Variants in CPA6 observed in about 807,000 individuals in gnomAD.
CPA6 encodes the protein carboxypeptidase B.
A neutral mutation model predicts 63.3 loss-of-function variants in CPA6; 58 were observed. The ratio of observed to expected loss-of-function variants is 0.92; its 90% CI spans 0.74 to 1.14. The LOEUF is 1.14. Among genes scored for constraint, CPA6 ranks in the 50% most tolerant of loss-of-function variants. The pLI, the probability that CPA6 is intolerant of heterozygous loss-of-function variation, is 0.00. For synonymous variants in CPA6, 185 were observed against 179.0 expected (o/e 1.03, Z -0.27); for missense variants, 565 against 526.6 (o/e 1.07, Z -0.71).
At chr8:67,665,532 G>T (rs1211979231) in intron 1 of CPA6, among the ~76,000 whole-genome samples, 1 of 152,190 alleles carries the variant, frequency 6.6e-6, no homozygotes, top group East Asian at 1.9e-4. Context: ...AAAATAAGTA[G>T]AAAACCTCTT....
At chr8:67,685,708 G>T (rs189607275) in intron 1 of CPA6, among the ~76,000 whole-genome samples, 404 of 152,344 alleles carry the variant, frequency 2.7e-3, no homozygotes, top group African/African-American at 9.3e-3. Flanking sequence ...ATTCACAGTT[G>T]TCATTCTCAT....
intron 8 of CPA6, among the ~76,000 whole-genome samples, chr8:67,469,168 TATA>T (rs1473095200): frequency 2.6e-5 from 4 of 152,232 alleles, no homozygotes; most frequent in African/African-American, 9.6e-5. Flanking sequence ...ACAGCACCTA[TATA>T]ATATTTGGTC....
At chr8:67,732,388 C>T (rs1219676404) in intron 1 of CPA6, among the ~76,000 whole-genome samples, 1 of 152,214 alleles carries the variant, frequency 6.6e-6, no homozygotes, top group Non-Finnish European at 1.5e-5. Context: ...CTTCCTTCCT[C>T]GCTCTCTCTC....
chr8:67,568,944 T>C (rs948888869), intron 2 of CPA6, among the ~76,000 whole-genome samples: 3 of 152,100 alleles, frequency 2.0e-5, no homozygotes, highest in African/African-American at 7.2e-5. Context: ...ACAGAAGGGG[T>C]TTCACCATGT....
At chr8:67,676,212 G>C (rs1816470952) in intron 1 of CPA6, among the ~76,000 whole-genome samples, 1 of 152,154 alleles carries the variant, frequency 6.6e-6, no homozygotes, top group African/African-American at 2.4e-5. Context: ...TATTTTATCT[G>C]CACAGATAAG....
intron 1 of CPA6, among the ~76,000 whole-genome samples, chr8:67,718,935 G>C (rs1484693492): frequency 6.6e-6 from 1 of 152,062 alleles, no homozygotes; most frequent in Non-Finnish European, 1.5e-5. Context: ...ATGAGCCACC[G>C]CACCTGGCCA....
chr8:67,484,604 G>T, intron 7 of CPA6, 75 bp downstream of exon 7: 1 of 759,722 alleles, frequency 1.3e-6, no homozygotes, highest in Non-Finnish European at 2.2e-6. Context: ...CTTCTTTCCT[G>T]TCCTGGAAGT....
At chr8:67,577,906 A>G (rs2128977752) in intron 2 of CPA6, among the ~76,000 whole-genome samples, 1 of 152,216 alleles carries the variant, frequency 6.6e-6, no homozygotes, top group East Asian at 1.9e-4. Context: ...TTGTCTACCC[A>G]GTACATCAAC....
At chr8:67,689,849 A>C (rs948866488) in intron 1 of CPA6, among the ~76,000 whole-genome samples, 2 of 152,206 alleles carry the variant, frequency 1.3e-5, no homozygotes, top group African/African-American at 4.8e-5. Flanking sequence ...AGAAATCTCC[A>C]AACTGCTTTC....
chr8:67,555,467 G>A (rs1208251101), intron 2 of CPA6, among the ~76,000 whole-genome samples: 1 of 152,214 alleles, frequency 6.6e-6, no homozygotes, highest in East Asian at 1.9e-4. Flanking sequence ...GGACGGGGAA[G>A]CCCCCTCATC....
chr8:67,535,387 A>G (rs1030292590), intron 2 of CPA6, among the ~76,000 whole-genome samples: 1 of 152,168 alleles, frequency 6.6e-6, no homozygotes, highest in Non-Finnish European at 1.5e-5. Flanking sequence ...TGACTTTTCA[A>G]TGATCACCAT....
At chr8:67,488,045 C>T (rs929243140) in intron 6 of CPA6, among the ~76,000 whole-genome samples, 6 of 151,940 alleles carry the variant, frequency 3.9e-5, no homozygotes, top group African/African-American at 7.3e-5. Context: ...GTGCAGAAGC[C>T]CTTTAGTTTA....
chr8:67,478,911 T>C (rs1811299417), intron 8 of CPA6, among the ~76,000 whole-genome samples: 1 of 151,974 alleles, frequency 6.6e-6, no homozygotes, highest in Admixed American at 6.5e-5. Flanking sequence ...GTAATCCCAG[T>C]TTGGGAGGCT....
In CPA6 at chr8:67,701,327, C is replaced by A. The variant is rs192564940; in HGVS notation, c.116+44687G>T. Among the ~76,000 whole-genome samples the A allele has an allele frequency of 2.6e-5, 4 of 152,216 alleles. No homozygotes were observed. In the East Asian group the frequency reaches 7.7e-4, roughly 29 times the overall value. On this transcript the variant is annotated intron_variant, in intron 1 of 10. Transcript: ENST00000297770. Reference sequence around the variant, plus strand: ...CCTTATTTGTAAAAGAAGGTGATATCACTCATCTCTCAGGGTGTCACGAAG... The same window carrying A: ...CCTTATTTGTAAAAGAAGGTGATATAACTCATCTCTCAGGGTGTCACGAAG...
intron 1 of CPA6, among the ~76,000 whole-genome samples, chr8:67,640,865 T>TG (rs1409081193): frequency 2.0e-5 from 3 of 151,568 alleles, no homozygotes; most frequent in Admixed American, 2.0e-4. Flanking sequence ...CCGACACTCC[T>TG]GGGGCCAGCC....
intron 8 of CPA6, among the ~76,000 whole-genome samples, chr8:67,473,690 C>T (rs570217395): frequency 7.2e-4 from 109 of 152,194 alleles, no homozygotes; most frequent in African/African-American, 2.4e-3. Context: ...CTGCAACCTC[C>T]GCCTCCCAGG....
At chr8:67,456,082 T>G (rs1810671581) in intron 8 of CPA6, among the ~76,000 whole-genome samples, 1 of 152,212 alleles carries the variant, frequency 6.6e-6, no homozygotes, top group South Asian at 2.1e-4. Context: ...AAAATTTTAA[T>G]GTAATTACAT....
At chr8:67,656,086 A>G (rs1422530570) in intron 1 of CPA6, among the ~76,000 whole-genome samples, 1 of 151,926 alleles carries the variant, frequency 6.6e-6, no homozygotes, top group Non-Finnish European at 1.5e-5. Flanking sequence ...AGGCAATTGG[A>G]GAAGTTGGGG....
At chr8:67,469,789 G>A (rs1424597634) in intron 8 of CPA6, among the ~76,000 whole-genome samples, 2 of 152,012 alleles carry the variant, frequency 1.3e-5, no homozygotes, top group Non-Finnish European at 1.5e-5. Context: ...CCTTAAACAC[G>A]CTGTCTCTCT....
Sources: gnomAD v4.1 joint callset for allele counts (sites outside exome capture counted in the v4.1 genomes callset) on GRCh38, gnomAD v4.1.1 for gene constraint, MANE v1.5 for transcripts, NCBI Gene and HGNC (gene_info 2026-07-23, HGNC 2026-07-21) for gene names.